Variants in HADH observed in about 807,000 individuals in gnomAD.
The protein encoded by HADH is hydroxyacyl-CoA dehydrogenase.
Under a neutral mutation model 32.2 loss-of-function variants are expected in HADH, and 24 were observed. The observed-to-expected ratio is 0.75, with a 90% CI of 0.54 to 1.05. The LOEUF is 1.05. HADH is among the 50% of genes least tolerant of loss of function. The probability of loss-of-function intolerance (pLI) is 0.00; values close to 1 mark genes in which losing one functional copy is unlikely to be tolerated. For synonymous variants in HADH, 139 were observed against 152.5 expected, an observed-to-expected ratio of 0.91 and a Z score of 0.65; for missense variants, 350 against 397.1, an observed-to-expected ratio of 0.88 and a Z score of 1.01.
intron 5 of HADH, chr4:108,026,491 T>C (rs1338574366): frequency 6.6e-6 from 1 of 152,238 alleles, no homozygotes; most frequent in East Asian, 1.9e-4. Context: ...AAGAGTATTT[T>C]TGCCTCAATT....
chr4:108,013,087 C>G (rs980465663), intron 2 of HADH, among the ~76,000 whole-genome samples: 1 of 152,232 alleles, frequency 6.6e-6, no homozygotes, highest in Non-Finnish European at 1.5e-5. Flanking sequence ...CGCCCGCTAC[C>G]ACGCCCAGCA....
intron 1 of HADH, among the ~76,000 whole-genome samples, chr4:107,998,333 G>A (rs1439041070): frequency 6.6e-6 from 1 of 152,224 alleles, no homozygotes; most frequent in Non-Finnish European, 1.5e-5. Context: ...AGGCTAGAGT[G>A]CAGAGGCGTG....
At chr4:108,033,495 GAAAA>G (rs964036787) in intron 7 of HADH, among the ~76,000 whole-genome samples, 1 of 151,046 alleles carries the variant, frequency 6.6e-6, no homozygotes, top group Non-Finnish European at 1.5e-5. Context: ...TGACCTTGAA[GAAAA>G]AAAAACCTTT....
At chr4:107,999,320 T>C (rs1030506629) in intron 1 of HADH, among the ~76,000 whole-genome samples, 2 of 152,210 alleles carry the variant, frequency 1.3e-5, no homozygotes, top group African/African-American at 2.4e-5. Flanking sequence ...GATCTTGCAT[T>C]GGGCAACGCA....
At chr4:108,002,182 G>T (rs1735138767) in intron 1 of HADH, among the ~76,000 whole-genome samples, 1 of 152,164 alleles carries the variant, frequency 6.6e-6, no homozygotes, top group Non-Finnish European at 1.5e-5. Context: ...CCAACTTCTG[G>T]TCCGTGGCCC....
At chr4:108,003,203 G>C (rs1439652349) in intron 1 of HADH, among the ~76,000 whole-genome samples, 1 of 151,918 alleles carries the variant, frequency 6.6e-6, no homozygotes, top group Non-Finnish European at 1.5e-5. Context: ...TGGAGGCTGG[G>C]AAGTCCAAGA....
At chr4:107,997,657 A>AT (rs1255992183) in intron 1 of HADH, among the ~76,000 whole-genome samples, 9 of 151,232 alleles carry the variant, frequency 6.0e-5, no homozygotes, top group South Asian at 2.1e-4. Context: ...GCCTTCAAAT[A>AT]TTTTTTTTTC....
chr4:108,001,955 A>T (rs911865162), intron 1 of HADH, among the ~76,000 whole-genome samples: 1 of 152,174 alleles, frequency 6.6e-6, no homozygotes, highest in African/African-American at 2.4e-5. Context: ...AGCTACTCTG[A>T]TAGGAATGTT....
At position 108,014,553 on chromosome 4, in the gene HADH, C is replaced by T. The variant is rs369550874; in HGVS notation, c.384C>T (p.Asn128=). The T allele has an allele frequency of 1.9e-5, 30 of 1,613,792 alleles. No individual in the cohort carries two copies. Among genetic ancestry groups the T allele is most frequent in the African/African-American group, 4.0e-5 (3 of 74,874 alleles). ...EAIVENLKVK[N]ELFKRLDKFA... Reference sequence around the variant, plus strand: ...TCGTGGAGAATCTGAAGGTGAAAAACGAGCTCTTCAAAAGGCTGGACAAGT... The same window carrying T: ...TCGTGGAGAATCTGAAGGTGAAAAATGAGCTCTTCAAAAGGCTGGACAAGT... The change falls in exon 3 of 8, where the codon AAC becomes AAT. Residue 128 remains asparagine (N), a synonymous_variant. Coordinates refer to ENST00000309522, the MANE Select transcript of HADH (RefSeq NM_005327.7).
chr4:108,034,210 T>C, intron 7 of HADH, 29 bp from the exon 8 acceptor site: 1 of 1,376,114 alleles, frequency 7.3e-7, no homozygotes. Context: ...CAGCACTTCA[T>C]CCTGAGTTCT....
chr4:108,034,279 C>T lies in HADH; in HGVS notation c.867C>T (p.Pro289=). 6.2e-7 allele frequency: 1 copy of T among 1,613,640 alleles called. No homozygotes were observed. Among genetic ancestry groups the T allele is most frequent in the Non-Finnish European group, 8.5e-7 (1 of 1,179,550 alleles). ...ATGCAGAGAACCCATTACATCAGCC[C>T]AGCCCATCCTTAAATAAGCTGGTAG... The part of the protein sequence containing the change: ...EMDAENPLHQ[P]SPSLNKLVAE... The change falls in exon 8 of 8, where the codon CCC becomes CCT. Residue 289 remains proline, a synonymous_variant. Coordinates refer to ENST00000309522, the MANE Select transcript of HADH (RefSeq NM_005327.7).
At chr4:108,021,024 AT>A (rs1200423705) in intron 4 of HADH, among the ~76,000 whole-genome samples, 3 of 152,104 alleles carry the variant, frequency 2.0e-5, no homozygotes, top group African/African-American at 7.2e-5. Context: ...TCTTACTAAC[AT>A]TGCTTCTCAG....
rs1735621618 is a variant in HADH at position 108,014,468 on chromosome 4, T to C, written c.299T>C (p.Ile100Thr). 2 of 1,614,144 alleles carry C rather than the reference T, an allele frequency of 1.2e-6. No homozygotes were observed. Residue 100 changes from isoleucine to threonine, a missense_variant, in exon 3 of 8, where the codon ATA becomes ACA. By Grantham distance (89) the Ile-to-Thr change is moderately conservative. Transcript: ENST00000309522. ...TTTGTGGAGAAGACCCTGAGCACCA[T>C]AGCGACCAGCACGGATGCAGCCTCC... ...DEFVEKTLSTIATSTDAASVV... is the reference protein window; with the variant it reads ...DEFVEKTLSTTATSTDAASVV...
intron 5 of HADH, chr4:108,026,235 T>C (rs1388760478): frequency 6.6e-6 from 1 of 152,116 alleles, no homozygotes; most frequent in Non-Finnish European, 1.5e-5. Context: ...GAGACAGGGT[T>C]TCACTGTGTT....
chr4:108,034,663 A>G lies in HADH; in HGVS notation c.*306A>G, dbSNP rs1052230424. ...TTGTCATTTTTGTGAAGAATTGCCTAGATTCCTTCTCTCATCAACGGGAAA... is the reference window on the plus strand; with the variant it reads ...TTGTCATTTTTGTGAAGAATTGCCTGGATTCCTTCTCTCATCAACGGGAAA... On this transcript the variant is annotated 3_prime_UTR_variant, in exon 8 of 8. Transcript: ENST00000309522. 3 of 367,636 alleles carry G rather than the reference A, an allele frequency of 8.2e-6. No individual in the cohort carries two copies. Among genetic ancestry groups the G allele is most frequent in the Admixed American group, 7.4e-5 (2 of 26,978 alleles). The allele number at this position is 367,636 out of a possible 1,614,324, so 22.8% of individuals were successfully genotyped here.
intron 2 of HADH, among the ~76,000 whole-genome samples, chr4:108,013,559 T>G (rs1298871500): frequency 6.6e-6 from 1 of 152,074 alleles, no homozygotes; most frequent in Non-Finnish European, 1.5e-5. Flanking sequence ...AGGTGTCAGT[T>G]TCTCTGCCTA....
chr4:108,027,276 A>G (rs1300342997), intron 5 of HADH: 1 of 339,566 alleles, frequency 2.9e-6, no homozygotes, highest in African/African-American at 2.1e-5. Context: ...ACAGCATTTT[A>G]TGTGTTTTCT....
rs56746496 is a variant in HADH, at chr4:108,022,201, A to ATGTGTG, written c.547-1255_547-1250dup. Among the ~76,000 whole-genome samples the ATGTGTG allele has an allele frequency of 6.7e-3, 931 of 139,454 alleles. 15 individuals carry two copies. Among genetic ancestry groups the ATGTGTG allele is most frequent in the African/African-American group, 0.023 (824 of 36,474 alleles). 91.5% of individuals were successfully genotyped at this position (139,454 alleles called of 152,430 possible). Reference sequence around the variant, plus strand: ...TGTGTGTGTGTGTATGTGTGTGTGTATGTGTGTGTGTGTGTGTGTGTGTAT... The same window carrying ATGTGTG: ...TGTGTGTGTGTGTATGTGTGTGTGTATGTGTGTGTGTGTGTGTGTGTGTGTGTGTAT... On this transcript the variant is annotated intron_variant, in intron 4 of 7. Transcript: ENST00000309522.
At chr4:108,021,592 G>C (rs921732330) in intron 4 of HADH, among the ~76,000 whole-genome samples, 3 of 152,052 alleles carry the variant, frequency 2.0e-5, no homozygotes, top group African/African-American at 7.2e-5. Context: ...ACAAATTACT[G>C]TTCGTTGAAT....
Sources: allele counts gnomAD v4.1 joint callset (sites outside exome capture counted in the v4.1 genomes callset), GRCh38; gene constraint gnomAD v4.1.1; transcripts MANE v1.5; gene names NCBI Gene and HGNC (gene_info 2026-07-23, HGNC 2026-07-21).